The following MME variants were observed in gnomAD, a reference collection of about 807,000 sequenced individuals.
MME encodes neprilysin.
MME carries 98 observed loss-of-function variants against 113.2 expected under a neutral mutation model. That is an observed-to-expected ratio of 0.87 (90% confidence interval 0.74 to 1.02). The LOEUF (loss-of-function observed/expected upper bound fraction) is 1.02, where lower values mean the gene tolerates loss of function less well. Ranked by LOEUF, MME falls within the 50% of genes least tolerant of loss-of-function variation. The pLI, the probability that MME is intolerant of heterozygous loss-of-function variation, is 0.00. For synonymous variants in MME, 292 were observed against 300.6 expected (o/e 0.97, Z 0.30); for missense variants, 836 against 896.0 (o/e 0.93, Z 0.86).
intron 16 of MME, among the ~76,000 whole-genome samples, chr3:155,149,914 T>C (rs1721800612): frequency 1.3e-5 from 2 of 152,188 alleles, no homozygotes; most frequent in African/African-American, 2.4e-5. Context: ...GCAAATATTA[T>C]AGAATGTTTA....
chr3:155,110,775 A>G (rs1188867540), intron 3 of MME, among the ~76,000 whole-genome samples: 1 of 152,050 alleles, frequency 6.6e-6, no homozygotes. Context: ...AATTAAACAC[A>G]CTCTTAATCC....
chr3:155,071,278 C>T (rs983247797), intron 1 of MME, among the ~76,000 whole-genome samples: 1 of 152,200 alleles, frequency 6.6e-6, no homozygotes, highest in African/African-American at 2.4e-5. Flanking sequence ...AGCTTAGTCA[C>T]ATCCTCATAC....
intron 8 of MME, among the ~76,000 whole-genome samples, chr3:155,127,920 C>T (rs1232739223): frequency 6.9e-6 from 1 of 144,962 alleles, no homozygotes; most frequent in Non-Finnish European, 1.5e-5. Context: ...CCTGCACTGG[C>T]ACTTACAGCC....
rs1559942820 is a variant in MME, at chr3:155,138,087, A to G, written c.721-15A>G. The G allele has an allele frequency of 1.9e-6, 3 of 1,613,206 alleles. No homozygotes were observed. Among genetic ancestry groups the G allele is most frequent in the Admixed American group, 1.7e-5 (1 of 59,964 alleles). On this transcript the variant is annotated splice_polypyrimidine_tract_variant and intron_variant, in intron 8 of 22. Coordinates refer to ENST00000360490, the MANE Select transcript of MME (RefSeq NM_007289.4). ...AGAGCTACTCCAACAGTTTAGTGCTATTTTTTTCTTGCAGGCTTGTACAGC... is the reference window on the plus strand; with the variant it reads ...AGAGCTACTCCAACAGTTTAGTGCTGTTTTTTTCTTGCAGGCTTGTACAGC...
chr3:155,060,776 T>G (rs1382053299), intron 1 of MME, among the ~76,000 whole-genome samples: 1 of 152,062 alleles, frequency 6.6e-6, no homozygotes, highest in African/African-American at 2.4e-5. Flanking sequence ...GAGGGCCCTT[T>G]TTTCCTGTTT....
rs764317478 is a variant in MME at position 155,100,284 on chromosome 3, G to A, written c.197-14710G>A. Among the ~76,000 whole-genome samples the A allele has an allele frequency of 1.0e-3, 154 of 152,072 alleles. 1 individual carries two copies. Among genetic ancestry groups the A allele is most frequent in the Admixed American group, 1.6e-3 (25 of 15,260 alleles). ...CTCAAAAGAAGACATTTATGCATCC[G>A]ACAGACACATGAAAAAATGCTCATC... On this transcript the variant is annotated intron_variant, in intron 3 of 22. Coordinates refer to ENST00000360490, the MANE Select transcript of MME (RefSeq NM_007289.4).
chr3:155,111,282 T>C (rs1718168403), intron 3 of MME, among the ~76,000 whole-genome samples: 1 of 152,132 alleles, frequency 6.6e-6, no homozygotes, highest in African/African-American at 2.4e-5. Flanking sequence ...AGCATAAAAG[T>C]GCTAGCCCGT....
intron 1 of MME, among the ~76,000 whole-genome samples, chr3:155,038,402 G>T (rs1383860755): frequency 1.3e-5 from 2 of 151,120 alleles, no homozygotes; most frequent in Admixed American, 1.3e-4. Flanking sequence ...TAGTGTCTAG[G>T]ACCTTGCTGG....
chr3:155,152,840 C>G (rs970436916), intron 16 of MME, among the ~76,000 whole-genome samples: 3 of 145,972 alleles, frequency 2.1e-5, no homozygotes, highest in Non-Finnish European at 4.5e-5. Flanking sequence ...CACTCCGTCT[C>G]AAAGAAAAAA....
At chr3:155,131,131 T>C (rs1453172965) in intron 8 of MME, among the ~76,000 whole-genome samples, 1 of 152,140 alleles carries the variant, frequency 6.6e-6, no homozygotes, top group African/African-American at 2.4e-5. Context: ...CTGGCTGTTG[T>C]TTGTAGAATG....
chr3:155,035,565 G>C (rs1219115334), intron 1 of MME, among the ~76,000 whole-genome samples: 2 of 152,084 alleles, frequency 1.3e-5, no homozygotes, highest in South Asian at 2.1e-4. Context: ...GTCAGGGAAG[G>C]CTTCTTTAAG....
At chr3:155,043,417 C>T (rs1199121551) in intron 1 of MME, among the ~76,000 whole-genome samples, 1 of 151,682 alleles carries the variant, frequency 6.6e-6, no homozygotes, top group African/African-American at 2.4e-5. Flanking sequence ...CTGCAACCTC[C>T]ACCTCCCAGG....
upstream of MME, among the ~76,000 whole-genome samples, chr3:155,077,734 A>G (rs966793976): frequency 1.3e-5 from 2 of 151,412 alleles, no homozygotes; most frequent in African/African-American, 4.9e-5. Flanking sequence ...AACAACAGCA[A>G]CAACAACAAA....
intron 1 of MME, among the ~76,000 whole-genome samples, chr3:155,033,700 A>T (rs1713044152): frequency 6.6e-6 from 1 of 152,154 alleles, no homozygotes; most frequent in Non-Finnish European, 1.5e-5. Context: ...GAACTAGCAG[A>T]TTAAACAAAT....
At chr3:155,160,645 C>T (rs1418147837) in intron 17 of MME, among the ~76,000 whole-genome samples, 197 bp downstream of exon 17, 2 of 152,012 alleles carry the variant, frequency 1.3e-5, no homozygotes, top group Non-Finnish European at 2.9e-5. Context: ...TGGTACAAAT[C>T]ACGTTAAGTA....
Position 155,172,553 on chromosome 3 carries a change from T to C in MME, c.2094T>C (p.Tyr698=). 2 of 1,612,572 alleles carry C rather than the reference T, an allele frequency of 1.2e-6. No individual in the cohort carries two copies. Among genetic ancestry groups the C allele is most frequent in the Admixed American group, 1.7e-5 (1 of 59,978 alleles). ...LNFAQVWCGT[Y]RPEYAVNSIK... ...ATCTCTAGGTGTGGTGTGGAACCTA[T>C]AGGCCAGAGTATGCGGTTAACTCCA... The change falls in exon 22 of 23, where the codon TAT becomes TAC. Residue 698 remains tyrosine (Y), a synonymous_variant. Transcript: ENST00000360490.
upstream of MME, among the ~76,000 whole-genome samples, chr3:155,078,867 T>C (rs898545864): frequency 6.6e-6 from 1 of 152,182 alleles, no homozygotes; most frequent in Non-Finnish European, 1.5e-5. Context: ...TTGTTTGTAT[T>C]TACCCCTTTG....
At chr3:155,050,209 C>T (rs1218867627) in intron 1 of MME, among the ~76,000 whole-genome samples, 1 of 151,932 alleles carries the variant, frequency 6.6e-6, no homozygotes, top group Non-Finnish European at 1.5e-5. Context: ...GTATATATAC[C>T]ACATTTTCTT....
chr3:155,117,311 A>T (rs1718706345), intron 7 of MME, among the ~76,000 whole-genome samples: 1 of 152,228 alleles, frequency 6.6e-6, no homozygotes, highest in Non-Finnish European at 1.5e-5. Flanking sequence ...TGAAAGGAGC[A>T]TGCTTTCGTT....
Sources: gnomAD v4.1 joint callset for allele counts (sites outside exome capture counted in the v4.1 genomes callset) on GRCh38, gnomAD v4.1.1 for gene constraint, MANE v1.5 for transcripts, NCBI Gene and HGNC (gene_info 2026-07-23, HGNC 2026-07-21) for gene names.